Variants in CYSTM1 observed in about 807,000 individuals in gnomAD.
CYSTM1 encodes cysteine-rich transmembrane module-containing protein 1.
CYSTM1 carries 4 observed loss-of-function variants against 13.1 expected under a neutral mutation model. That is an observed-to-expected ratio of 0.31 (90% CI 0.15 to 0.70). CYSTM1 has a LOEUF of 0.70. Among genes scored for constraint, CYSTM1 ranks in the 30% least tolerant of loss-of-function variants. CYSTM1 has a pLI of 0.72. For missense variants in CYSTM1, 96 were observed against 121.6 expected (o/e 0.79, Z 0.99); for synonymous variants, 36 against 42.7 (o/e 0.84, Z 0.62).
rs112463555 is a variant in CYSTM1 at position 140,238,306 on chromosome 5, T to C, written c.188-4999T>C. Reference sequence around the variant, plus strand: ...TCTGTCAGCTCCATATCCATCTCCCTGTATAAGAAGGGGAAAATGGAAGAG... The same window carrying C: ...TCTGTCAGCTCCATATCCATCTCCCCGTATAAGAAGGGGAAAATGGAAGAG... On this transcript the variant is annotated intron_variant, in intron 2 of 2. Transcript: ENST00000261811. Among the ~76,000 whole-genome samples the C allele has an allele frequency of 9.2e-3, 1,406 of 152,294 alleles. 25 individuals carry two copies. The highest frequency in any genetic ancestry group is 0.033 in the African/African-American group (1,351 of 41,548).
intron 1 of CYSTM1, among the ~76,000 whole-genome samples, chr5:140,191,741 C>T (rs1323433959): frequency 6.6e-6 from 1 of 152,146 alleles, no homozygotes; most frequent in Non-Finnish European, 1.5e-5. Context: ...GTTACACACA[C>T]TGAATTTCAG....
At chr5:140,178,441 CTTTTTTTTTTTT>C (rs577709524) in intron 1 of CYSTM1, among the ~76,000 whole-genome samples, 14 of 52,630 alleles carry the variant, frequency 2.7e-4, no homozygotes, top group African/African-American at 1.2e-3. Context: ...CAAGTCCTTC[CTTTTTTTTTTTT>C]TTTTTTTTTT....
rs969150638 is a variant in CYSTM1, at chr5:140,194,825, A to G, written c.187+173A>G. On this transcript the variant is annotated intron_variant, in intron 2 of 2. Coordinates refer to ENST00000261811, the MANE Select transcript of CYSTM1 (RefSeq NM_032412.4). The stretch of plus-strand genomic sequence containing the variant: ...TCACTCCTGAGAAGAGGCCCAAGTC[A>G]GCTCTGCCTGCTACATTCACACCTC... 5.8e-4 allele frequency among the ~76,000 whole-genome samples: 89 copies of G among 152,240 alleles called. 3 individuals carry two copies. Among genetic ancestry groups the G allele is most frequent in the African/African-American group, 2.4e-5 (1 of 41,470 alleles).
At chr5:140,236,754 G>A (rs530450424) in intron 2 of CYSTM1, among the ~76,000 whole-genome samples, 2 of 152,294 alleles carry the variant, frequency 1.3e-5, no homozygotes, top group South Asian at 2.1e-4. Flanking sequence ...CCAGGACCTC[G>A]GCTCAGGTCT....
chr5:140,175,986 G>C lies in CYSTM1; in HGVS notation c.-21+701G>C, dbSNP rs1223910320. Among the ~76,000 whole-genome samples, 1 of 152,152 alleles carries C rather than the reference G, an allele frequency of 6.6e-6. No individual in the cohort carries two copies. Among genetic ancestry groups the C allele is most frequent in the African/African-American group, 2.4e-5 (1 of 41,428 alleles). On this transcript the variant is annotated intron_variant, in intron 1 of 2. Transcript: ENST00000261811. The surrounding 1 kb of genome is among the most constrained non-coding windows in gnomAD (Gnocchi z 4.9). ...GGTTGCAGGGGGGAGAGAAGGAGGG[G>C]AGGACCCCTGGGGAAGGAGACCATG...
chr5:140,184,826 A>G (rs557443174), intron 1 of CYSTM1, among the ~76,000 whole-genome samples: 1 of 152,332 alleles, frequency 6.6e-6, no homozygotes, highest in East Asian at 1.9e-4. Flanking sequence ...AAAGTCTCTA[A>G]GTCTGGAAGA....
intron 2 of CYSTM1, among the ~76,000 whole-genome samples, chr5:140,206,466 A>G (rs369032969): frequency 1.3e-5 from 2 of 152,160 alleles, no homozygotes; most frequent in South Asian, 2.1e-4. Flanking sequence ...CGGGCTGCTC[A>G]GGGTATCCTG....
chr5:140,196,410 A>G (rs1326284513), intron 2 of CYSTM1, among the ~76,000 whole-genome samples: 1 of 152,214 alleles, frequency 6.6e-6, no homozygotes, highest in African/African-American at 2.4e-5. Flanking sequence ...GGCTAATTTT[A>G]TTCTAGGACT....
intron 2 of CYSTM1, chr5:140,200,440 G>A (rs1764211995): frequency 6.6e-6 from 1 of 151,810 alleles, no homozygotes; most frequent in South Asian, 2.1e-4. Context: ...TAGATGTGTG[G>A]TGTTATTTCT....
At chr5:140,222,969 A>G (rs1764508703) in intron 2 of CYSTM1, among the ~76,000 whole-genome samples, 1 of 152,226 alleles carries the variant, frequency 6.6e-6, no homozygotes, top group Non-Finnish European at 1.5e-5. Context: ...GTTCTTCTGG[A>G]CACTGTACAT....
intron 2 of CYSTM1, among the ~76,000 whole-genome samples, chr5:140,223,783 G>A (rs1003791778): frequency 6.6e-6 from 1 of 152,222 alleles, no homozygotes; most frequent in Admixed American, 6.5e-5. Context: ...ATGAGGCAAG[G>A]GGGCACTTTG....
chr5:140,241,318 G>C (rs1240320058), intron 2 of CYSTM1, among the ~76,000 whole-genome samples: 2 of 152,280 alleles, frequency 1.3e-5, no homozygotes, highest in Non-Finnish European at 2.9e-5. Context: ...AGGGGAAGCA[G>C]TGAGGAGACT....
At chr5:140,194,685 C>A in intron 2 of CYSTM1, 33 bp downstream of exon 2, 1 of 1,574,366 alleles carries the variant, frequency 6.4e-7, no homozygotes, top group Non-Finnish European at 8.6e-7. Context: ...GTGTGCAGTC[C>A]CGTGTCACTA....
At chr5:140,242,813 G>A (rs187833358) in intron 2 of CYSTM1, among the ~76,000 whole-genome samples, 54 of 152,322 alleles carry the variant, frequency 3.5e-4, no homozygotes, top group Non-Finnish European at 2.9e-5. Context: ...GAGGTTGGGG[G>A]CACATTCTGA....
At chr5:140,184,960 T>C (rs1442527894) in intron 1 of CYSTM1, among the ~76,000 whole-genome samples, 2 of 152,252 alleles carry the variant, frequency 1.3e-5, no homozygotes, top group Non-Finnish European at 2.9e-5. Flanking sequence ...CAGAATTTGC[T>C]GTTCCTAATC....
At chr5:140,217,564 G>C (rs1301231885) in intron 2 of CYSTM1, among the ~76,000 whole-genome samples, 2 of 152,138 alleles carry the variant, frequency 1.3e-5, no homozygotes, top group Non-Finnish European at 2.9e-5. Flanking sequence ...GGAATAAAGT[G>C]ATGGCCCTGA....
intron 1 of CYSTM1, among the ~76,000 whole-genome samples, chr5:140,180,272 G>A (rs146045871): frequency 6.6e-6 from 1 of 152,266 alleles, no homozygotes; most frequent in East Asian, 1.9e-4. Context: ...AGTGCTTGCT[G>A]ATGTGCCCAG....
intron 2 of CYSTM1, chr5:140,201,054 T>G (rs1000866678): frequency 1.3e-5 from 2 of 152,244 alleles, no homozygotes; most frequent in African/African-American, 4.8e-5. Flanking sequence ...CCATTGTGGA[T>G]ATACCACGTT....
At chr5:140,237,995 C>A (rs968870618) in intron 2 of CYSTM1, among the ~76,000 whole-genome samples, 1 of 152,212 alleles carries the variant, frequency 6.6e-6, no homozygotes, top group Non-Finnish European at 1.5e-5. Context: ...AACGCCCGCA[C>A]CTGTCTGGAG....
Sources: gnomAD v4.1 joint callset for allele counts (sites outside exome capture counted in the v4.1 genomes callset) on GRCh38, gnomAD v4.1.1 for gene constraint, Gnocchi (gnomAD v3.1) non-coding constraint, MANE v1.5 for transcripts, NCBI Gene and HGNC (gene_info 2026-07-23, HGNC 2026-07-21) for gene names.